Variants in CCDC3 observed in about 807,000 individuals in gnomAD.
The protein encoded by CCDC3 is coiled-coil domain-containing protein 3.
In CCDC3, 24 loss-of-function variants were observed where a neutral mutation model predicts 21.4. The ratio of observed to expected loss-of-function variants is 1.12; its 90% CI spans 0.81 to 1.58. The LOEUF is 1.58. CCDC3 is among the 40% of genes most tolerant of loss of function. The pLI is 0.00. For missense variants in CCDC3, 425 were observed against 360.9 expected, an observed-to-expected ratio of 1.18 and a Z score of -1.44; for synonymous variants, 186 against 166.0, an observed-to-expected ratio of 1.12 and a Z score of -0.93.
intron 2 of CCDC3, among the ~76,000 whole-genome samples, chr10:12,946,823 G>A (rs1322228243): frequency 1.3e-5 from 2 of 151,964 alleles, no homozygotes; most frequent in Non-Finnish European, 2.9e-5. Context: ...CCTCCTATTT[G>A]GGAATTATTA....
chr10:13,031,582 AATAG>A (rs1315147669), intron 5 of CCDC3, among the ~76,000 whole-genome samples: 13 of 152,204 alleles, frequency 8.5e-5, no homozygotes, highest in Non-Finnish European at 1.8e-4. Flanking sequence ...AAATCGACAA[AATAG>A]ATAGACCATT....
intron 4 of CCDC3, among the ~76,000 whole-genome samples, chr10:13,068,869 C>T (rs566634545): frequency 2.6e-5 from 4 of 152,124 alleles, no homozygotes; most frequent in African/African-American, 9.7e-5. Flanking sequence ...GATAAGAAGG[C>T]GTAGAAATGT....
chr10:12,973,542 G>A lies in CCDC3; in HGVS notation c.549+24796C>T, dbSNP rs78425825. The stretch of plus-strand genomic sequence containing the variant: ...GAGGAGCCAACCATGTTCTTCCTAC[G>A]TGGAAGTCTCCCCTAAAAGGTCATA... On this transcript the variant is annotated intron_variant, in intron 2 of 2. Coordinates refer to ENST00000378825, the MANE Select transcript of CCDC3 (RefSeq NM_031455.4). Among the ~76,000 whole-genome samples, 42 of 152,298 alleles carry A rather than the reference G, an allele frequency of 2.8e-4. 1 individual carries two copies. In the East Asian group the frequency reaches 7.2e-3, roughly 26 times the overall value.
At chr10:13,037,496 CTT>C (rs1021698130) in intron 5 of CCDC3, among the ~76,000 whole-genome samples, 33 of 152,232 alleles carry the variant, frequency 2.2e-4, no homozygotes, top group African/African-American at 7.9e-4. Flanking sequence ...CTCTAAGTCT[CTT>C]TTATATTTTT....
At chr10:12,952,543 T>A (rs1201025358) in intron 2 of CCDC3, among the ~76,000 whole-genome samples, 1 of 152,192 alleles carries the variant, frequency 6.6e-6, no homozygotes, top group Admixed American at 6.5e-5. Flanking sequence ...CCATGATGTG[T>A]CTTCACAGCC....
At chr10:13,023,615 G>A (rs1304146608) in intron 5 of CCDC3, among the ~76,000 whole-genome samples, 1 of 152,128 alleles carries the variant, frequency 6.6e-6, no homozygotes, top group Admixed American at 6.5e-5. Context: ...ATGATGGAGG[G>A]AACTACACAA....
chr10:13,019,885 A>G (rs1240282136), intron 5 of CCDC3, among the ~76,000 whole-genome samples: 1 of 152,092 alleles, frequency 6.6e-6, no homozygotes, highest in Non-Finnish European at 1.5e-5. Context: ...AATCCCAGCT[A>G]CTCAGGAGGC....
rs777896863 is a variant in CCDC3, at chr10:12,898,488, C to T, written c.741G>A (p.Glu247=). ...GCGGCAGCGCGCCCGCCGCCAGCTT[C>T]TCACTGAGTTTCTGGTTCGCCAGCT... ...HLELANQKLS[E]KLAAGALPHI... The change falls in exon 3 of 3, where the codon GAG becomes GAA. Residue 247 remains glutamate, a synonymous_variant. Coordinates refer to ENST00000378825, the MANE Select transcript of CCDC3 (RefSeq NM_031455.4). 52 of 1,613,614 alleles carry T rather than the reference C, an allele frequency of 3.2e-5. No homozygotes were observed. Among genetic ancestry groups the T allele is most frequent in the Non-Finnish European group, 4.2e-5 (50 of 1,179,658 alleles).
rs559008715 is a variant in CCDC3, at chr10:13,072,044, T to C, written c.-270+1824A>G. ...AATGCTGGCAAAAGGGTAGTTTCAT[T>C]TTTTATTTTTTTAACCAGTTGGGCT... On this transcript the variant is annotated intron_variant, in intron 4 of 6. Transcript: ENST00000378839. 7.2e-5 allele frequency among the ~76,000 whole-genome samples: 11 copies of C among 152,122 alleles called. 1 individual carries two copies. The South Asian group carries it at 2.1e-3, about 29-fold the overall frequency.
At chr10:12,936,274 C>G (rs1482737281) in intron 2 of CCDC3, among the ~76,000 whole-genome samples, 1 of 152,000 alleles carries the variant, frequency 6.6e-6, no homozygotes, top group African/African-American at 2.4e-5. Flanking sequence ...TTTTTTTCTC[C>G]TCTATTCTTG....
At chr10:13,048,202 A>T (rs1436436302) in intron 5 of CCDC3, among the ~76,000 whole-genome samples, 1 of 150,956 alleles carries the variant, frequency 6.6e-6, no homozygotes, top group Non-Finnish European at 1.5e-5. Flanking sequence ...GGTCCCAATT[A>T]TTTTTTTTTA....
chr10:12,952,542 G>A (rs572668870), intron 2 of CCDC3, among the ~76,000 whole-genome samples: 3 of 152,292 alleles, frequency 2.0e-5, no homozygotes, highest in Admixed American at 2.0e-4. Context: ...CCCATGATGT[G>A]TCTTCACAGC....
intron 2 of CCDC3, among the ~76,000 whole-genome samples, chr10:12,939,893 C>A (rs1369925006): frequency 6.6e-6 from 1 of 152,188 alleles, no homozygotes; most frequent in African/African-American, 2.4e-5. Context: ...TTTGCTAATT[C>A]ACTTGGCTAA....
At chr10:12,997,156 G>A (rs1589035102) in intron 2 of CCDC3, among the ~76,000 whole-genome samples, 1 of 151,494 alleles carries the variant, frequency 6.6e-6, no homozygotes, top group African/African-American at 2.4e-5. Context: ...CATCCCACCA[G>A]ACAAGAGAAA....
At chr10:13,010,889 C>T (rs771662875) in intron 5 of CCDC3, among the ~76,000 whole-genome samples, 3 of 152,134 alleles carry the variant, frequency 2.0e-5, no homozygotes, top group Non-Finnish European at 4.4e-5. Context: ...ATCTATAAAA[C>T]GGTCACAAAG....
chr10:13,008,982 A>T (rs1229764440), intron 5 of CCDC3, among the ~76,000 whole-genome samples: 1 of 152,226 alleles, frequency 6.6e-6, no homozygotes, highest in East Asian at 1.9e-4. Flanking sequence ...GGAAAAAAAG[A>T]TGTAAAATTC....
chr10:12,923,313 G>A (rs1052066744), intron 2 of CCDC3, among the ~76,000 whole-genome samples: 1 of 152,156 alleles, frequency 6.6e-6, no homozygotes, highest in African/African-American at 2.4e-5. Flanking sequence ...TCCTCCCTCT[G>A]ACATCATTAC....
intron 2 of CCDC3, among the ~76,000 whole-genome samples, chr10:12,937,189 T>C (rs11597927): frequency 2.6e-5 from 4 of 152,094 alleles, no homozygotes; most frequent in Non-Finnish European, 5.9e-5. Flanking sequence ...CCTACCCTGA[T>C]ACTGGTTCCC....
intron 4 of CCDC3, among the ~76,000 whole-genome samples, chr10:13,064,365 G>T (rs1031220837): frequency 1.3e-5 from 2 of 152,126 alleles, no homozygotes; most frequent in African/African-American, 4.8e-5. Context: ...TGGTCTTCAC[G>T]AAATAAATTA....
Sources: gnomAD v4.1 joint callset for allele counts (sites outside exome capture counted in the v4.1 genomes callset) on GRCh38, gnomAD v4.1.1 for gene constraint, MANE v1.5 for transcripts, NCBI Gene and HGNC (gene_info 2026-07-23, HGNC 2026-07-21) for gene names.